Variants in NOP9 observed in about 807,000 individuals in gnomAD.
The protein encoded by NOP9 is NOP9 nucleolar protein.
Under a neutral mutation model 63.0 loss-of-function variants are expected in NOP9, and 50 were observed. The ratio of observed to expected loss-of-function variants is 0.79; its 90% CI spans 0.63 to 1.00. The LOEUF (loss-of-function observed/expected upper bound fraction) is 1.00, where lower values mean the gene tolerates loss of function less well. NOP9 is among the 50% of genes least tolerant of loss of function. NOP9 has a pLI of 0.00. For missense variants in NOP9, 758 were observed against 803.0 expected (o/e 0.94, Z 0.68); for synonymous variants, 343 against 332.8 (o/e 1.03, Z -0.33).
chr14:24,303,689 C>T (rs766927382), intron 6 of NOP9, 43 bp from the exon 7 acceptor site: 56 of 1,596,520 alleles, frequency 3.5e-5, no homozygotes, highest in Middle Eastern at 1.7e-4. Flanking sequence ...AGGTAAGGGA[C>T]GGAGAAGTTC....
upstream of NOP9, among the ~76,000 whole-genome samples, chr14:24,296,063 G>A (rs536910125): frequency 4.6e-5 from 7 of 152,304 alleles, no homozygotes; most frequent in East Asian, 9.6e-4. Flanking sequence ...ACTCTGACCC[G>A]GCAGTGCCCT....
chr14:24,277,150 G>A, the NOP9 span, among the ~76,000 whole-genome samples: 1 of 152,182 alleles, frequency 6.6e-6, no homozygotes, highest in Non-Finnish European at 1.5e-5. Flanking sequence ...AAGGGAACTG[G>A]GAGGAAGGCT....
In NOP9 at chr14:24,305,890, A is replaced by G. The variant is rs2041487374; in HGVS notation, c.*795A>G. ...GGGGTAGGTGGGTGCAAGAGGACGA[A>G]TTATGGGGACTATCCAACTGTAGGG... On this transcript the variant is annotated 3_prime_UTR_variant, in exon 10 of 10. Transcript: ENST00000267425. 3 of 1,587,510 alleles carry G rather than the reference A, an allele frequency of 1.9e-6. No homozygotes were observed. In the African/African-American group the frequency reaches 4.0e-5, roughly 21 times the overall value.
chr14:24,276,581 G>GCGCCCGGC, the NOP9 span, among the ~76,000 whole-genome samples: 2 of 152,104 alleles, frequency 1.3e-5, no homozygotes, highest in Non-Finnish European at 2.9e-5. Flanking sequence ...ATGAGCCACC[G>GCGCCCGGC]CACCTGGCCT....
intron 2 of NOP9, 140 bp from the exon 3 acceptor site, chr14:24,301,472 C>G: frequency 2.0e-6 from 2 of 975,882 alleles, no homozygotes; most frequent in Middle Eastern, 2.2e-4. Context: ...AGTCTCAGTT[C>G]AGTCATCCAG....
Position 24,306,120 on chromosome 14 carries a change from A to G in NOP9, c.*1025A>G. On this transcript the variant is annotated 3_prime_UTR_variant, in exon 10 of 10. Transcript: ENST00000267425. ...GCTTGGGCCTCTCCCGTCCCAGGCC[A>G]TATGACAGCACTCCACTCTGTAGGA... is the stretch of plus-strand genomic sequence containing the variant. The G allele has an allele frequency of 6.2e-7, 1 of 1,613,904 alleles. No individual in the cohort carries two copies. Among genetic ancestry groups the G allele is most frequent in the South Asian group, 1.1e-5 (1 of 91,084 alleles).
Position 24,303,229 on chromosome 14 carries a change from C to T in NOP9, c.1284+15C>T. On this transcript the variant is annotated intron_variant, in intron 6 of 9. Coordinates refer to ENST00000267425, the MANE Select transcript of NOP9 (RefSeq NM_174913.3). ...TCTTGTTGGAGGTGAGTGGATATTA[C>T]CCACAATCTGTTTATGCCCTCAGTT... The T allele has an allele frequency of 6.2e-7, 1 of 1,613,916 alleles. No homozygotes were observed. The highest frequency in any genetic ancestry group is 8.5e-7 in the Non-Finnish European group (1 of 1,179,906).
In NOP9 at chr14:24,306,548, G is replaced by A. The variant is rs150927701; in HGVS notation, c.*1453G>A. 4.0e-4 allele frequency: 646 copies of A among 1,614,210 alleles called. 1 individual carries two copies. Among genetic ancestry groups the A allele is most frequent in the East Asian group, 3.0e-3 (136 of 44,888 alleles). On this transcript the variant is annotated 3_prime_UTR_variant, in exon 10 of 10. Coordinates refer to ENST00000267425, the MANE Select transcript of NOP9 (RefSeq NM_174913.3). Reference sequence around the variant, plus strand: ...CCTGCCCAATGGCAAGAAGCAAGAAGGGCAGGTCTTATCCCATGCCCCTTC... The same window carrying A: ...CCTGCCCAATGGCAAGAAGCAAGAAAGGCAGGTCTTATCCCATGCCCCTTC...
At chr14:24,303,266 T>A (rs1289334227) in intron 6 of NOP9, 52 bp downstream of exon 6, 2 of 1,605,628 alleles carry the variant, frequency 1.2e-6, no homozygotes, top group Admixed American at 3.3e-5. Context: ...AACTTCTACC[T>A]TTTAGGACTT....
At chr14:24,279,902 C>T in the NOP9 span, among the ~76,000 whole-genome samples, 2 of 152,170 alleles carry the variant, frequency 1.3e-5, no homozygotes, top group African/African-American at 2.4e-5. Context: ...AGCTGTGGAA[C>T]AAAGTGAGAC....
At chr14:24,291,383 C>T in the NOP9 span, 1 of 1,029,646 alleles carries the variant, frequency 9.7e-7, no homozygotes, top group Non-Finnish European at 1.5e-6. Flanking sequence ...CAGGAGCCTG[C>T]TCCTAAGGCT....
Position 24,300,020 on chromosome 14 carries a change from G to A in NOP9, c.66G>A (p.Gly22=). ...GRRFPAGGKR[G]RGAKGSGRPL... ...GGTTCCCAGCTGGTGGCAAACGGGG[G>A]CGCGGGGCCAAGGGGTCGGGGCGCC... Residue 22 remains glycine (G), a synonymous_variant, in exon 1 of 10, where the codon GGG becomes GGA. Coordinates refer to ENST00000267425, the MANE Select transcript of NOP9 (RefSeq NM_174913.3). 1 of 1,601,776 alleles carries A rather than the reference G, an allele frequency of 6.2e-7. No individual in the cohort carries two copies. The highest frequency in any genetic ancestry group is 8.5e-7 in the Non-Finnish European group (1 of 1,173,366).
the NOP9 span, chr14:24,291,210 A>G: frequency 1.2e-6 from 2 of 1,614,076 alleles, no homozygotes; most frequent in Non-Finnish European, 1.7e-6. Flanking sequence ...CAGGCTCAGG[A>G]TATTGGGATC....
At chr14:24,284,104 A>G in the NOP9 span, among the ~76,000 whole-genome samples, 1 of 152,190 alleles carries the variant, frequency 6.6e-6, no homozygotes, top group Non-Finnish European at 1.5e-5. Context: ...GAGCTGAGAC[A>G]GAGGTGAGGC....
Position 24,304,231 on chromosome 14 carries a change from CCT to C in NOP9, c.1604_1605del (p.Ser535CysfsTer23). 1.2e-6 allele frequency: 2 copies of C among 1,614,150 alleles called. No individual in the cohort carries two copies. The highest frequency in any genetic ancestry group is 1.7e-6 in the Non-Finnish European group (2 of 1,180,040). On this transcript the variant is annotated frameshift_variant, in exon 8 of 10. Coordinates refer to ENST00000267425, the MANE Select transcript of NOP9 (RefSeq NM_174913.3). LOFTEE classifies it high-confidence loss of function. ...GTGCTCGATGCCATCCTGACCAGCC[CCT>C]CTGTGACGCGCAAGCTGCGCCGCCG...
chr14:24,292,300 C>T, the NOP9 span: 8 of 1,614,018 alleles, frequency 5.0e-6, no homozygotes, highest in East Asian at 6.7e-5. Context: ...CGCCGCAGCT[C>T]GTGGGCACAG....
chr14:24,301,008 C>G, intron 2 of NOP9, 151 bp downstream of exon 2: 2 of 680,378 alleles, frequency 2.9e-6, no homozygotes, highest in Non-Finnish European at 2.5e-6. Context: ...GCTTAGCAAG[C>G]CAAAGATTAG....
In NOP9 at chr14:24,304,476, T is replaced by A. The variant is rs1490054150; in HGVS notation, c.1648-17T>A. The A allele has an allele frequency of 1.6e-5, 26 of 1,581,314 alleles. No homozygotes were observed. The highest frequency in any genetic ancestry group is 2.1e-5 in the Non-Finnish European group (25 of 1,165,040). On this transcript the variant is annotated splice_polypyrimidine_tract_variant and intron_variant, in intron 8 of 9. Coordinates refer to ENST00000267425, the MANE Select transcript of NOP9 (RefSeq NM_174913.3). ...TGGATTTTGCTAGGGAGACCTACTT[T>A]GCTTGTCTCCATACAGGGACAATAT...
At chr14:24,293,885 G>GGT in the NOP9 span, 1 of 152,162 alleles carries the variant, frequency 6.6e-6, no homozygotes, top group Non-Finnish European at 1.5e-5. Context: ...ATGCAATACA[G>GGT]GTGTTAACAG....
Sources: allele counts gnomAD v4.1 joint callset (sites outside exome capture counted in the v4.1 genomes callset), GRCh38; gene constraint gnomAD v4.1.1; transcripts MANE v1.5; gene names NCBI Gene and HGNC (gene_info 2026-07-23, HGNC 2026-07-21).